Variants in TCERG1L observed in about 807,000 individuals in gnomAD.
The protein encoded by TCERG1L is transcription elongation regulator 1 like, also known as transcription elongation regulator 1-like protein.
TCERG1L carries 37 observed loss-of-function variants against 56.3 expected under a neutral mutation model. The ratio of observed to expected loss-of-function variants is 0.66; its 90% CI spans 0.51 to 0.87. The LOEUF is 0.87. Ranked by LOEUF, TCERG1L falls within the 40% of genes least tolerant of loss-of-function variation. The pLI is 0.00. For synonymous variants in TCERG1L, 324 were observed against 326.3 expected (o/e 0.99, Z 0.08); for missense variants, 799 against 774.2 (o/e 1.03, Z -0.38).
intron 3 of TCERG1L, among the ~76,000 whole-genome samples, chr10:131,306,067 A>G (rs75163753): frequency 0.02 from 3,002 of 152,204 alleles, 74 homozygotes; most frequent in East Asian, 0.076. Context: ...AACTGCAGTA[A>G]AATTAAAACG....
chr10:131,096,638 T>C (rs1845249933), intron 11 of TCERG1L, among the ~76,000 whole-genome samples: 2 of 152,168 alleles, frequency 1.3e-5, no homozygotes, highest in Non-Finnish European at 2.9e-5. Context: ...CGGTGGCTCA[T>C]GCCTGTAATC....
intron 7 of TCERG1L, among the ~76,000 whole-genome samples, chr10:131,135,728 G>A (rs986088029): frequency 3.3e-5 from 5 of 152,166 alleles, no homozygotes; most frequent in African/African-American, 7.2e-5. Context: ...CTGCTGTAGC[G>A]GGACCGGGGT....
intron 3 of TCERG1L, among the ~76,000 whole-genome samples, chr10:131,280,144 C>T (rs1846435522): frequency 6.6e-6 from 1 of 152,164 alleles, no homozygotes. Flanking sequence ...CATTCAAAGC[C>T]AAGGTGGGAA....
intron 3 of TCERG1L, among the ~76,000 whole-genome samples, chr10:131,298,612 C>T (rs1202187384): frequency 6.6e-6 from 1 of 152,196 alleles, no homozygotes; most frequent in Non-Finnish European, 1.5e-5. Flanking sequence ...CAGGGTTTTG[C>T]CATGTTGGCC....
intron 4 of TCERG1L, among the ~76,000 whole-genome samples, chr10:131,188,897 G>C (rs80245358): frequency 6.6e-6 from 1 of 152,040 alleles, no homozygotes; most frequent in Non-Finnish European, 1.5e-5. Context: ...GTTATTTTAC[G>C]CATTTTCAGG....
At chr10:131,151,711 G>T (rs1346832233) in intron 6 of TCERG1L, among the ~76,000 whole-genome samples, 1 of 152,224 alleles carries the variant, frequency 6.6e-6, no homozygotes, top group African/African-American at 2.4e-5. Flanking sequence ...GAGACTCTGT[G>T]TGGGGGCTCT....
chr10:131,228,857 G>A (rs865979833), intron 4 of TCERG1L, among the ~76,000 whole-genome samples: 10 of 111,360 alleles, frequency 9.0e-5, no homozygotes, highest in Non-Finnish European at 1.9e-4. Flanking sequence ...CAAGGTCTCC[G>A]GAGTCTCCCC....
intron 4 of TCERG1L, among the ~76,000 whole-genome samples, chr10:131,180,558 T>C (rs1589739256): frequency 6.6e-6 from 1 of 152,224 alleles, no homozygotes; most frequent in East Asian, 1.9e-4. Flanking sequence ...CATCTACTGC[T>C]GATACGATTG....
At position 131,179,202 on chromosome 10, in the gene TCERG1L, T is replaced by C. The variant is rs189841080; in HGVS notation, c.857-12317A>G. On this transcript the variant is annotated intron_variant, in intron 4 of 11. Transcript: ENST00000368642. ...CCCCAGCAAACTAACAGGAGCCGGC[T>C]GAGGCAGAGCAGCGGGGGCAGCCCC... 3.9e-3 allele frequency among the ~76,000 whole-genome samples: 588 copies of C among 152,314 alleles called. 2 individuals carry two copies. The highest frequency in any genetic ancestry group is 0.014 in the African/African-American group (568 of 41,578).
chr10:131,122,294 G>T (rs1845522075), intron 8 of TCERG1L, among the ~76,000 whole-genome samples: 1 of 152,128 alleles, frequency 6.6e-6, no homozygotes, highest in Non-Finnish European at 1.5e-5. Context: ...CCACTCACTG[G>T]GTTCTTAGTT....
intron 3 of TCERG1L, among the ~76,000 whole-genome samples, chr10:131,304,937 C>T (rs529642445): frequency 1.4e-4 from 21 of 152,218 alleles, no homozygotes; most frequent in South Asian, 4.1e-4. Flanking sequence ...GAGCCCATCC[C>T]TGCCACGTCT....
chr10:131,221,413 G>A (rs1176061281), intron 4 of TCERG1L, among the ~76,000 whole-genome samples: 1 of 152,222 alleles, frequency 6.6e-6, no homozygotes, highest in African/African-American at 2.4e-5. Context: ...GAAAGGTAGT[G>A]GAGAAAGACC....
rs1845797590 is a variant in TCERG1L, at chr10:131,146,572, C to T, written c.1123G>A (p.Asp375Asn). The change falls in exon 7 of 12, where the codon GAC (aspartate) becomes AAC (asparagine). Residue 375 changes from aspartate (D) to asparagine (N), a missense_variant. Transcript: ENST00000368642. ...ATGATCCTGTTGAGGTCTCCGCGGT[C>T]CTTCAGGTCCATGGGCTTCTCCCAG... ...SVWEKPMDLKDRGDLNRIIED... is the reference protein window; with the variant it reads ...SVWEKPMDLKNRGDLNRIIED... 3.1e-6 allele frequency: 5 copies of T among 1,613,892 alleles called. No individual in the cohort carries two copies. Among genetic ancestry groups the T allele is most frequent in the Non-Finnish European group, 4.2e-6 (5 of 1,179,864 alleles).
At position 131,260,396 on chromosome 10, in the gene TCERG1L, A is replaced by G; in HGVS notation, c.719T>C (p.Ile240Thr). 1 of 1,479,348 alleles carries G rather than the reference A, an allele frequency of 6.8e-7. No homozygotes were observed. 91.6% of individuals were successfully genotyped at this position (1,479,348 alleles called of 1,614,324 possible). ...CATGGCAGCGGCGGCGGCGGTGGCG[A>G]TGGCAATGGCGGGGCTGCTGGTCAC... ...LKVTSSPAIA[I>T]ATAAAAAMVS... is the part of the protein sequence containing the mutation. Residue 240 changes from isoleucine (I) to threonine (T), a missense_variant, in exon 4 of 12, where the codon ATC becomes ACC. Ile to Thr is a moderately conservative substitution (Grantham distance 89, BLOSUM62 -1). Transcript: ENST00000368642. The surrounding 1 kb of genome is among the most constrained non-coding windows in gnomAD (Gnocchi z 5.8).
At chr10:131,153,572 G>T (rs1392635933) in intron 6 of TCERG1L, among the ~76,000 whole-genome samples, 1 of 152,168 alleles carries the variant, frequency 6.6e-6, no homozygotes, top group African/African-American at 2.4e-5. Context: ...TAAGAAAGAG[G>T]CTTTACATTT....
chr10:131,117,327 A>AG (rs1466347094), intron 8 of TCERG1L, among the ~76,000 whole-genome samples: 2 of 152,176 alleles, frequency 1.3e-5, no homozygotes, highest in African/African-American at 4.8e-5. Flanking sequence ...GGGGTCATGG[A>AG]GGGGTAAGGA....
In TCERG1L at chr10:131,146,795, G is replaced by A. The variant is rs1042628586; in HGVS notation, c.1035-135C>T. 8.4e-6 allele frequency: 8 copies of A among 956,240 alleles called. No homozygotes were observed. In the Admixed American group the frequency reaches 2.0e-4, roughly 24 times the overall value. 59.2% of individuals were successfully genotyped at this position (956,240 alleles called of 1,614,324 possible). ...TGCAAAGCTTGTTTATGGATAGTAT[G>A]AATACTAAAGACAAAGCCTGCCTTT... On this transcript the variant is annotated intron_variant, in intron 6 of 11. Coordinates refer to ENST00000368642, the MANE Select transcript of TCERG1L (RefSeq NM_174937.4).
At chr10:131,164,364 C>A (rs1846009484) in intron 5 of TCERG1L, among the ~76,000 whole-genome samples, 1 of 152,102 alleles carries the variant, frequency 6.6e-6, no homozygotes, top group Non-Finnish European at 1.5e-5. Context: ...ACTCCTTTAG[C>A]CATATGGATG....
intron 4 of TCERG1L, among the ~76,000 whole-genome samples, chr10:131,189,378 T>A (rs1845281603): frequency 6.6e-6 from 1 of 152,216 alleles, no homozygotes; most frequent in Non-Finnish European, 1.5e-5. Flanking sequence ...CCCCTCTCTA[T>A]GTCCATGTGT....
Sources: gnomAD v4.1 joint callset for allele counts (sites outside exome capture counted in the v4.1 genomes callset) on GRCh38, gnomAD v4.1.1 for gene constraint, Gnocchi (gnomAD v3.1) non-coding constraint, MANE v1.5 for transcripts, NCBI Gene and HGNC (gene_info 2026-07-23, HGNC 2026-07-21) for gene names.